Variants in PIP5K1A observed in about 807,000 individuals in gnomAD.
PIP5K1A encodes the protein phosphatidylinositol 4-phosphate 5-kinase type-1 alpha.
In PIP5K1A, 46 loss-of-function variants were observed where a neutral mutation model predicts 72.9. That is an observed-to-expected ratio of 0.63 (90% CI 0.50 to 0.81). PIP5K1A has a LOEUF of 0.81. Ranked by LOEUF, PIP5K1A falls within the 30% of genes least tolerant of loss-of-function variation. The probability of loss-of-function intolerance (pLI) is 0.00; values close to 1 mark genes in which losing one functional copy is unlikely to be tolerated. For synonymous variants in PIP5K1A, 228 were observed against 255.1 expected, an observed-to-expected ratio of 0.89 and a Z score of 1.01; for missense variants, 458 against 706.1, an observed-to-expected ratio of 0.65 and a Z score of 3.98.
chr1:151,236,746 C>T lies in PIP5K1A; in HGVS notation c.1128C>T (p.Thr376=). 1 of 1,612,950 alleles carries T rather than the reference C, an allele frequency of 6.2e-7. No homozygotes were observed. Among genetic ancestry groups the T allele is most frequent in the East Asian group, 2.2e-5 (1 of 44,844 alleles). The change falls in exon 9 of 16, where the codon ACC becomes ACT. Residue 376 remains threonine (T), a synonymous_variant. Coordinates refer to ENST00000368888, the MANE Select transcript of PIP5K1A (RefSeq NM_001135638.2). The stretch of plus-strand genomic sequence containing the variant: ...AGGGAGAGGCTCGACGGGGTGGTAC[C>T]ATGGAGACTGATGACCAGTAAGTGG... ...SIQGEARRGG[T]METDDHMGGI... is the part of the protein sequence containing the mutation.
upstream of PIP5K1A, chr1:151,197,813 C>A (rs1684692707): frequency 3.3e-6 from 1 of 304,530 alleles, no homozygotes; most frequent in African/African-American, 2.2e-5. Context: ...GGTCTTCCCA[C>A]CAGGGTTCAT....
At position 151,224,394 on chromosome 1, in the gene PIP5K1A, T is replaced by G; in HGVS notation, c.144T>G (p.Ser48=). 6.2e-7 allele frequency: 1 copy of G among 1,600,246 alleles called. No homozygotes were observed. Among genetic ancestry groups the G allele is most frequent in the Non-Finnish European group, 8.6e-7 (1 of 1,167,754 alleles). Residue 48 remains serine (S), a synonymous_variant, in exon 3 of 16, where the codon TCT becomes TCG. Transcript: ENST00000368888. The part of the protein sequence containing the change: ...ASEVLEARQD[S]YISLVPYASG... ...AGGTCTTGGAAGCTAGACAGGATTC[T>G]TACATCTCATTGGTAGGCTAGAAAT... is the stretch of plus-strand genomic sequence containing the variant.
chr1:151,235,915 G>A (rs1001996300), intron 8 of PIP5K1A, among the ~76,000 whole-genome samples: 2 of 150,760 alleles, frequency 1.3e-5, no homozygotes, highest in East Asian at 2.0e-4. Context: ...CAGGTCAGGC[G>A]TTCGAGACCA....
intron 3 of PIP5K1A, among the ~76,000 whole-genome samples, chr1:151,225,178 A>C (rs1688923245): frequency 6.6e-6 from 1 of 152,112 alleles, no homozygotes. Context: ...CTACAAAAAA[A>C]TAAAACATTA....
At position 151,204,795 on chromosome 1, in the gene PIP5K1A, T is replaced by A. The variant is rs117951678; in HGVS notation, c.85+5714T>A. 2.3e-4 allele frequency among the ~76,000 whole-genome samples: 35 copies of A among 152,364 alleles called. No homozygotes were observed. In the East Asian group the frequency reaches 5.6e-3, roughly 24 times the overall value. On this transcript the variant is annotated intron_variant, in intron 1 of 15. Transcript: ENST00000368888. Reference sequence around the variant, plus strand: ...ACTGACATCAGAATGTCATTGCTTCTGATCGATTTATTTCTGCCATGACAC... The same window carrying A: ...ACTGACATCAGAATGTCATTGCTTCAGATCGATTTATTTCTGCCATGACAC...
intron 3 of PIP5K1A, 117 bp from the exon 4 acceptor site, chr1:151,227,203 A>T: frequency 1.6e-6 from 1 of 640,998 alleles, no homozygotes; most frequent in Non-Finnish European, 2.8e-6. Flanking sequence ...ATTTTGTAAA[A>T]TGTTTTTAAT....
intron 14 of PIP5K1A, among the ~76,000 whole-genome samples, chr1:151,245,883 G>C (rs190318613): frequency 6.6e-6 from 1 of 152,050 alleles, no homozygotes; most frequent in Non-Finnish European, 1.5e-5. Context: ...CTCAATTCCA[G>C]GTACAAAAGT....
chr1:151,233,131 T>C (rs1690351726), intron 7 of PIP5K1A, among the ~76,000 whole-genome samples: 1 of 151,776 alleles, frequency 6.6e-6, no homozygotes, highest in African/African-American at 2.4e-5. Flanking sequence ...TTGTTCAGTT[T>C]TGTGCTTTTC....
chr1:151,196,123 T>C (rs1558218987), upstream of PIP5K1A, among the ~76,000 whole-genome samples: 1 of 151,958 alleles, frequency 6.6e-6, no homozygotes, highest in Non-Finnish European at 1.5e-5. Flanking sequence ...GGTCTCGATC[T>C]CCTGACCTCG....
intron 4 of PIP5K1A, among the ~76,000 whole-genome samples, chr1:151,227,977 TG>T (rs1369925625): frequency 6.6e-6 from 1 of 152,192 alleles, no homozygotes. Flanking sequence ...GGTATAAATA[TG>T]TAACAAGGCC....
chr1:151,243,916 CT>C (rs1692117324), intron 14 of PIP5K1A, among the ~76,000 whole-genome samples: 1 of 152,260 alleles, frequency 6.6e-6, no homozygotes, highest in African/African-American at 2.4e-5. Flanking sequence ...TTGAAAGGAT[CT>C]GTGAAACATA....
chr1:151,209,437 A>ATTTT (rs34643257), intron 1 of PIP5K1A, among the ~76,000 whole-genome samples: 3 of 118,188 alleles, frequency 2.5e-5, no homozygotes, highest in Admixed American at 8.9e-5. Flanking sequence ...TGCCTGGCTA[A>ATTTT]TTTTTTTTTT....
In PIP5K1A at chr1:151,247,788, A is replaced by C. The variant is rs1692725965; in HGVS notation, c.1687-75A>C. On this transcript the variant is annotated intron_variant, in intron 15 of 15. Transcript: ENST00000368888. The stretch of plus-strand genomic sequence containing the variant: ...CTTGGAGGCTGAGGCTGAAATAGAA[A>C]TTTCTTAACGCTTGAATTCCATTTC... The C allele has an allele frequency of 1.6e-5, 20 of 1,277,506 alleles. No individual in the cohort carries two copies. The South Asian group carries it at 2.5e-4, about 16-fold the overall frequency. The allele number at this position is 1,277,506 out of a possible 1,614,324, so 79.1% of individuals were successfully genotyped here.
chr1:151,238,411 T>G (rs1326471170), intron 10 of PIP5K1A, 146 bp downstream of exon 10: 1 of 640,960 alleles, frequency 1.6e-6, no homozygotes, highest in Non-Finnish European at 2.8e-6. Flanking sequence ...AGTTTTCAGA[T>G]GGTTTATTTC....
chr1:151,229,797 T>C (rs994679944), intron 4 of PIP5K1A, among the ~76,000 whole-genome samples: 5 of 151,388 alleles, frequency 3.3e-5, no homozygotes, highest in African/African-American at 1.2e-4. Context: ...AAAAAACTAG[T>C]TGTAGGCTGG....
At chr1:151,195,884 AT>A (rs1157195462), upstream of PIP5K1A, among the ~76,000 whole-genome samples, 523 of 62,130 alleles carry the variant, frequency 8.4e-3, no homozygotes, top group African/African-American at 0.013. Flanking sequence ...ACACCAGCCG[AT>A]TTTTTTTTTT....
At chr1:151,206,577 G>GT (rs1185650289) in intron 1 of PIP5K1A, among the ~76,000 whole-genome samples, 1 of 151,930 alleles carries the variant, frequency 6.6e-6, no homozygotes, top group Admixed American at 6.6e-5. Context: ...GTTTTGTTTT[G>GT]TTTTTTGAGG....
intron 4 of PIP5K1A, among the ~76,000 whole-genome samples, chr1:151,229,443 C>T (rs1489939732): frequency 1.3e-5 from 2 of 150,214 alleles, no homozygotes; most frequent in Admixed American, 1.3e-4. Flanking sequence ...CTCACCAAAA[C>T]CTCTGCCTTG....
At chr1:151,236,369 G>C (rs12739135) in intron 8 of PIP5K1A, among the ~76,000 whole-genome samples, 189 bp from the exon 9 acceptor site, 19,264 of 151,862 alleles carry the variant, frequency 0.13, 1,295 homozygotes, top group Admixed American at 0.17. Context: ...CCAGCTACTT[G>C]GGAGGCTGAA....
Sources: gnomAD v4.1 joint callset for allele counts (sites outside exome capture counted in the v4.1 genomes callset) on GRCh38, gnomAD v4.1.1 for gene constraint, MANE v1.5 for transcripts, NCBI Gene and HGNC (gene_info 2026-07-23, HGNC 2026-07-21) for gene names.